The following CXADR variants were observed in gnomAD, a reference collection of about 807,000 sequenced individuals.
The protein encoded by CXADR is CXADR cell adhesion molecule, also known as coxsackievirus and adenovirus receptor.
Under a neutral mutation model 40.3 loss-of-function variants are expected in CXADR, and 20 were observed. The ratio of observed to expected loss-of-function variants is 0.50; its 90% CI spans 0.35 to 0.72. The LOEUF (loss-of-function observed/expected upper bound fraction) is 0.72. Ranked by LOEUF, CXADR falls within the 30% of genes least tolerant of loss-of-function variation. The probability of loss-of-function intolerance (pLI) is 0.01; values close to 1 mark genes in which losing one functional copy is unlikely to be tolerated. For synonymous variants in CXADR, 150 were observed against 161.3 expected (o/e 0.93, Z 0.53); for missense variants, 332 against 449.1 (o/e 0.74, Z 2.36).
chr21:17,529,576 C>G (rs2060643791), intron 1 of CXADR, among the ~76,000 whole-genome samples: 1 of 152,232 alleles, frequency 6.6e-6, no homozygotes, highest in African/African-American at 2.4e-5. Context: ...CCACCTTGGT[C>G]TCCCAAAGTG....
rs78526192 is a variant in CXADR, at chr21:17,581,880, C to T, written c.1018-11272C>T. Among the ~76,000 whole-genome samples the T allele has an allele frequency of 5.8e-3, 866 of 149,496 alleles. 7 individuals carry two copies. Among genetic ancestry groups the T allele is most frequent in the African/African-American group, 0.018 (738 of 40,592 alleles). On this transcript the variant is annotated intron_variant, in intron 7 of 7. Coordinates refer to the CXADR transcript ENST00000400169. Reference sequence around the variant, plus strand: ...AAAAAAATTATATTTTTGAGAATTCCATTTTTCCTTTGTACTAGTAGTCTG... The same window carrying T: ...AAAAAAATTATATTTTTGAGAATTCTATTTTTCCTTTGTACTAGTAGTCTG...
At chr21:17,582,302 G>T (rs1240077526) in intron 7 of CXADR, among the ~76,000 whole-genome samples, 1 of 152,160 alleles carries the variant, frequency 6.6e-6, no homozygotes, top group African/African-American at 2.4e-5. Flanking sequence ...ATGAGCCACC[G>T]CAGCCCGCTG....
chr21:17,636,191 T>C, the CXADR span, among the ~76,000 whole-genome samples: 1 of 152,190 alleles, frequency 6.6e-6, no homozygotes, highest in Non-Finnish European at 1.5e-5. Flanking sequence ...TATTTGCAGA[T>C]TCTTTAGGGT....
chr21:17,620,131 G>T, the CXADR span, among the ~76,000 whole-genome samples: 1 of 152,216 alleles, frequency 6.6e-6, no homozygotes, highest in Non-Finnish European at 1.5e-5. Flanking sequence ...TGGCTGACGA[G>T]TTGGCACAAG....
chr21:17,587,454 T>C (rs2061405811), intron 7 of CXADR, among the ~76,000 whole-genome samples: 1 of 152,226 alleles, frequency 6.6e-6, no homozygotes, highest in African/African-American at 2.4e-5. Flanking sequence ...AGATGGTATC[T>C]CAATGTGGTT....
intron 6 of CXADR, among the ~76,000 whole-genome samples, chr21:17,563,251 C>A (rs2061148856): frequency 6.6e-6 from 1 of 152,130 alleles, no homozygotes; most frequent in African/African-American, 2.4e-5. Context: ...CGCACCACTG[C>A]ACCCTACCGT....
At chr21:17,581,161 T>TA in intron 7 of CXADR, among the ~76,000 whole-genome samples, 1 of 152,374 alleles carries the variant, frequency 6.6e-6, no homozygotes. Context: ...TGTATAGTGT[T>TA]ACATCAAAGT....
chr21:17,616,899 T>C, the CXADR span, among the ~76,000 whole-genome samples: 1 of 152,212 alleles, frequency 6.6e-6, no homozygotes, highest in African/African-American at 2.4e-5. Flanking sequence ...AAAGCAGCAG[T>C]GATTAAAGTA....
At chr21:17,547,644 A>G (rs1035625955) in intron 2 of CXADR, among the ~76,000 whole-genome samples, 3 of 152,252 alleles carry the variant, frequency 2.0e-5, no homozygotes, top group African/African-American at 7.2e-5. Context: ...TGTCAGCAGT[A>G]GAAGTGTCAT....
chr21:17,581,783 CT>C (rs35826469), intron 7 of CXADR, among the ~76,000 whole-genome samples: 151,741 of 151,742 alleles, frequency 1, 75,870 homozygotes, highest in Non-Finnish European at 1. Flanking sequence ...AAGATTGAGG[CT>C]TGCAGTGAGC....
rs942136245 is a variant in CXADR, at chr21:17,567,987, G to A, written c.*2295G>A. On this transcript the variant is annotated 3_prime_UTR_variant, in exon 7 of 7. Transcript: ENST00000284878. ...TCTGTCAGCCAAATAGTACCAATAC[G>A]TTTTCAAGTAGTTCTCACTGATAAT... The A allele has an allele frequency of 8.1e-6, 8 of 984,558 alleles. No individual in the cohort carries two copies. In the South Asian group the frequency reaches 1.4e-4, roughly 17 times the overall value. 61.0% of individuals were successfully genotyped at this position (984,558 alleles called of 1,614,324 possible). A position where few individuals can be genotyped will look rare whatever the true frequency, so the allele number is the denominator to read the frequency against.
intron 1 of CXADR, among the ~76,000 whole-genome samples, chr21:17,520,210 C>G (rs2060513469): frequency 6.6e-6 from 1 of 152,062 alleles, no homozygotes; most frequent in Non-Finnish European, 1.5e-5. Context: ...CCAGGTGCCC[C>G]TACAATAGAA....
At chr21:17,582,145 GA>G (rs11321416) in intron 7 of CXADR, among the ~76,000 whole-genome samples, 151,901 of 151,906 alleles carry the variant, frequency 1, 75,948 homozygotes, top group Non-Finnish European at 1. Flanking sequence ...AGGTCTCCCT[GA>G]ATTCCTGGGT....
chr21:17,515,638 C>A (rs1349448250), intron 1 of CXADR, among the ~76,000 whole-genome samples: 1 of 152,118 alleles, frequency 6.6e-6, no homozygotes, highest in East Asian at 1.9e-4. Context: ...GGTGAAACCC[C>A]GTCCCTACTA....
rs1200381392 is a variant in CXADR at position 17,569,193 on chromosome 21, TTTTC to T, written c.*3504_*3507del. ...TTTGATGTTATGTGAATGTTGAGTT[TTTTC>T]TTCTAATTTTCACTTCAGCAGTGTT... On this transcript the variant is annotated 3_prime_UTR_variant, in exon 7 of 7. Transcript: ENST00000284878. The T allele has an allele frequency of 2.0e-6, 2 of 985,250 alleles. No individual in the cohort carries two copies. The highest frequency in any genetic ancestry group is 2.4e-6 in the Non-Finnish European group (2 of 829,932). 61.0% of individuals were successfully genotyped at this position (985,250 alleles called of 1,614,324 possible). A position where few individuals can be genotyped will look rare whatever the true frequency, so the allele number is the denominator to read the frequency against.
intron 1 of CXADR, among the ~76,000 whole-genome samples, chr21:17,523,938 A>C (rs1048554942): frequency 6.6e-6 from 1 of 152,038 alleles, no homozygotes; most frequent in South Asian, 2.1e-4. Context: ...GGTTCACTGC[A>C]ACCTCCGCCT....
intron 2 of CXADR, among the ~76,000 whole-genome samples, chr21:17,548,493 C>G (rs948749775): frequency 1.3e-5 from 2 of 152,182 alleles, no homozygotes; most frequent in African/African-American, 4.8e-5. Flanking sequence ...CCTTCTCTCC[C>G]TTCTCTCTCT....
chr21:17,593,117 C>T (rs765288211), intron 7 of CXADR: 1 of 1,352,846 alleles, frequency 7.4e-7, no homozygotes, highest in Non-Finnish European at 9.6e-7. Flanking sequence ...AAAATCAAAA[C>T]TCTTATAGAG....
intron 4 of CXADR, among the ~76,000 whole-genome samples, chr21:17,559,475 G>A (rs1401932835): frequency 2.6e-5 from 4 of 151,916 alleles, no homozygotes; most frequent in Non-Finnish European, 5.9e-5. Context: ...ATGAGCCCAG[G>A]CATGTGCCCA....
Sources: allele counts gnomAD v4.1 joint callset (sites outside exome capture counted in the v4.1 genomes callset), GRCh38; gene constraint gnomAD v4.1.1; transcripts MANE v1.5; gene names NCBI Gene and HGNC (gene_info 2026-07-23, HGNC 2026-07-21).